COP1: variants seen among roughly 807,000 people sequenced by gnomAD.
COP1 encodes the protein E3 ubiquitin-protein ligase COP1.
A neutral mutation model predicts 101.3 loss-of-function variants in COP1; 24 were observed. The ratio of observed to expected loss-of-function variants is 0.24; its 90% confidence interval spans 0.17 to 0.33. The LOEUF is 0.33. Among genes scored for constraint, COP1 ranks in the 10% least tolerant of loss-of-function variants. The pLI is 1.00. For missense variants in COP1, 663 were observed against 906.2 expected, an observed-to-expected ratio of 0.73 and a Z score of 3.45; for synonymous variants, 347 against 341.9, an observed-to-expected ratio of 1.01 and a Z score of -0.17.
intron 11 of COP1, among the ~76,000 whole-genome samples, chr1:176,058,393 A>G (rs1370786299): frequency 2.0e-5 from 3 of 152,164 alleles, no homozygotes; most frequent in East Asian, 3.9e-4. Context: ...AGAAGTAGAC[A>G]TGGGAGACTT....
intron 11 of COP1, among the ~76,000 whole-genome samples, chr1:176,061,657 A>T (rs530731516): frequency 6.6e-6 from 1 of 152,224 alleles, no homozygotes; most frequent in East Asian, 1.9e-4. Context: ...AAAAAGAAAA[A>T]ATGAAACTAA....
At chr1:175,964,284 A>G (rs1439403812) in intron 18 of COP1, among the ~76,000 whole-genome samples, 1 of 152,192 alleles carries the variant, frequency 6.6e-6, no homozygotes, top group Non-Finnish European at 1.5e-5. Context: ...CTACCCTTAG[A>G]TGTTTAAAAG....
At chr1:176,111,470 T>C (rs1685279995) in intron 9 of COP1, among the ~76,000 whole-genome samples, 1 of 151,990 alleles carries the variant, frequency 6.6e-6, no homozygotes, top group African/African-American at 2.4e-5. Flanking sequence ...ATTTTTTGTA[T>C]TTTTAGTAGA....
intron 15 of COP1, among the ~76,000 whole-genome samples, chr1:175,997,395 AATGGG>A (rs1236984612): frequency 9.2e-5 from 14 of 151,994 alleles, no homozygotes; most frequent in African/African-American, 3.4e-4. Context: ...AAAATTGACA[AATGGG>A]ATCTAATTAA....
At chr1:176,012,636 A>G (rs557925922) in intron 15 of COP1, among the ~76,000 whole-genome samples, 16 of 152,270 alleles carry the variant, frequency 1.1e-4, no homozygotes, top group African/African-American at 3.8e-4. Flanking sequence ...TTCTGCAAGC[A>G]CCATTCATGG....
intron 15 of COP1, among the ~76,000 whole-genome samples, chr1:176,003,926 G>A (rs888590012): frequency 3.9e-5 from 6 of 151,990 alleles, no homozygotes; most frequent in South Asian, 4.1e-4. Flanking sequence ...CATTGAATCT[G>A]TAAATTACCC....
chr1:175,965,363 T>C (rs75748826), intron 18 of COP1, among the ~76,000 whole-genome samples: 3,819 of 152,290 alleles, frequency 0.025, 153 homozygotes, highest in African/African-American at 0.087. Flanking sequence ...AATTTTTCTT[T>C]GTTCAACGCC....
chr1:175,960,207 TAGAC>T (rs1207870181), intron 18 of COP1, among the ~76,000 whole-genome samples: 10 of 152,176 alleles, frequency 6.6e-5, no homozygotes, highest in Non-Finnish European at 1.2e-4. Context: ...GGACAAAACA[TAGAC>T]AGAGTGACAG....
At chr1:176,069,143 C>T (rs572983871) in intron 11 of COP1, among the ~76,000 whole-genome samples, 4 of 151,582 alleles carry the variant, frequency 2.6e-5, no homozygotes, top group African/African-American at 4.8e-5. Context: ...CAGGATTGCA[C>T]GACTGCACTC....
chr1:176,168,703 C>G (rs1340676075), intron 3 of COP1: 1 of 333,250 alleles, frequency 3.0e-6, no homozygotes, highest in Admixed American at 3.4e-5. Flanking sequence ...GGAAAGAGAG[C>G]ATTCAAAACC....
intron 18 of COP1, among the ~76,000 whole-genome samples, chr1:175,978,599 T>C (rs192271786): frequency 6.6e-6 from 1 of 152,038 alleles, no homozygotes; most frequent in Non-Finnish European, 1.5e-5. Flanking sequence ...GAGGAGGAGA[T>C]GGGAGTCTTT....
intron 2 of COP1, among the ~76,000 whole-genome samples, chr1:176,179,220 G>T (rs529641780): frequency 6.6e-6 from 1 of 151,486 alleles, no homozygotes; most frequent in Non-Finnish European, 1.5e-5. Flanking sequence ...ACCCTGGGGG[G>T]CAGAGGTTGC....
intron 8 of COP1, among the ~76,000 whole-genome samples, chr1:176,126,228 T>G (rs908938317): frequency 6.6e-6 from 1 of 152,208 alleles, no homozygotes; most frequent in African/African-American, 2.4e-5. Flanking sequence ...CTTGTCTGAC[T>G]GCTCTAGCTA....
chr1:176,001,778 G>C (rs533680717), intron 15 of COP1, among the ~76,000 whole-genome samples: 4 of 152,128 alleles, frequency 2.6e-5, no homozygotes, highest in African/African-American at 9.6e-5. Flanking sequence ...TTCTTATGGG[G>C]TAGGTCTCCT....
intron 9 of COP1, among the ~76,000 whole-genome samples, chr1:176,090,763 A>G (rs1014037225): frequency 6.6e-6 from 1 of 152,228 alleles, no homozygotes; most frequent in Non-Finnish European, 1.5e-5. Context: ...TAAAAGGCAT[A>G]AAAGAATAAT....
intron 5 of COP1, among the ~76,000 whole-genome samples, chr1:176,159,296 GAAGA>G (rs1471177002): frequency 7.9e-5 from 12 of 152,130 alleles, no homozygotes; most frequent in African/African-American, 2.9e-4. Flanking sequence ...GTGGCCAAAT[GAAGA>G]AATTCTCAGC....
intron 15 of COP1, among the ~76,000 whole-genome samples, chr1:176,025,197 A>G (rs1450433769): frequency 1.3e-5 from 2 of 152,192 alleles, no homozygotes; most frequent in Non-Finnish European, 2.9e-5. Flanking sequence ...TAGATATTCT[A>G]AACAGCAGAA....
rs142951234 is a variant in COP1, at chr1:176,179,763, T to A, written c.468-3756A>T. 9.6e-4 allele frequency among the ~76,000 whole-genome samples: 146 copies of A among 151,886 alleles called. 5 individuals carry two copies. The East Asian group carries it at 0.025, about 26-fold the overall frequency. On this transcript the variant is annotated intron_variant, in intron 2 of 19. Transcript: ENST00000367669. The stretch of plus-strand genomic sequence containing the variant: ...AAACAGAAAAAAAATTTTTTGTCAA[T>A]ATACAAGAAATTATTCCAAAATCTA...
At chr1:176,080,358 A>T (rs1678892931) in intron 11 of COP1, among the ~76,000 whole-genome samples, 1 of 152,178 alleles carries the variant, frequency 6.6e-6, no homozygotes, top group South Asian at 2.1e-4. Flanking sequence ...TTTTATCTTA[A>T]GAAATTAGCA....
Sources: allele counts gnomAD v4.1 joint callset (sites outside exome capture counted in the v4.1 genomes callset), GRCh38; gene constraint gnomAD v4.1.1; transcripts MANE v1.5; gene names NCBI Gene and HGNC (gene_info 2026-07-23, HGNC 2026-07-21).